Variants in FAAH2 observed in about 807,000 individuals in gnomAD.
The protein encoded by FAAH2 is fatty acid amide hydrolase 2, also known as fatty-acid amide hydrolase 2.
A neutral mutation model predicts 36.9 loss-of-function variants in FAAH2; 60 were observed. The ratio of observed to expected loss-of-function variants is 1.63; its 90% CI spans 1.32 to 2.02. FAAH2 has a LOEUF of 2.02. Ranked by LOEUF, FAAH2 falls within the 30% of genes most tolerant of loss-of-function variation. The pLI, the probability that FAAH2 is intolerant of heterozygous loss-of-function variation, is 0.00. For synonymous variants in FAAH2, 214 were observed against 143.8 expected (o/e 1.49, Z -3.49); for missense variants, 689 against 397.5 (o/e 1.73, Z -6.23).
rs772769305 is a variant in FAAH2, at chrX:57,380,668, C to T, written c.879-244C>T. Among the ~76,000 whole-genome samples the T allele has an allele frequency of 2.7e-5, 3 of 112,028 alleles. No individual in the cohort carries two copies. In the South Asian group the frequency reaches 1.1e-3, roughly 41 times the overall value. The stretch of plus-strand genomic sequence containing the variant: ...TATAATCATTTCTAGCATGAACTAC[C>T]ACCAAAACATTTTGACTTGTCACCA... On this transcript the variant is annotated intron_variant, in intron 6 of 10. Transcript: ENST00000374900.
At chrX:57,272,393 G>A in the FAAH2 span, among the ~76,000 whole-genome samples, 450 of 111,071 alleles carry the variant, frequency 4.1e-3, 3 homozygotes, top group African/African-American at 0.014. Flanking sequence ...TCAAATTCAG[G>A]AAATGCAGAG....
intron 7 of FAAH2, among the ~76,000 whole-genome samples, chrX:57,401,844 G>A (rs1311090471): frequency 9.0e-6 from 1 of 111,343 alleles, no homozygotes; most frequent in Non-Finnish European, 1.9e-5. Context: ...GTGTATAGTG[G>A]CCCCTGCTTT....
At chrX:57,349,273 A>G (rs2053926538) in intron 5 of FAAH2, among the ~76,000 whole-genome samples, 1 of 95,772 alleles carries the variant, frequency 1.0e-5, no homozygotes, top group African/African-American at 3.7e-5. Flanking sequence ...GTATATACAT[A>G]TATACATATA....
the FAAH2 span, among the ~76,000 whole-genome samples, chrX:57,274,619 G>A: frequency 2.7e-5 from 3 of 111,586 alleles, no homozygotes; most frequent in African/African-American, 6.5e-5. Flanking sequence ...ATCAATAAAC[G>A]CAATCCATCA....
At chrX:57,418,034 GA>G (rs2147060117) in intron 7 of FAAH2, among the ~76,000 whole-genome samples, 1 of 111,310 alleles carries the variant, frequency 9.0e-6, no homozygotes, top group East Asian at 2.8e-4. Context: ...ACACTGAGGG[GA>G]AAACCACTTA....
intron 7 of FAAH2, among the ~76,000 whole-genome samples, chrX:57,425,584 C>T (rs975910341): frequency 3.6e-5 from 4 of 111,283 alleles, no homozygotes; most frequent in Admixed American, 1.9e-4. Context: ...ATGAAAAAAA[C>T]ACTTTTAAAT....
In FAAH2 at chrX:57,440,127, G is replaced by A. The variant is rs187082443; in HGVS notation, c.1117-6801G>A. On this transcript the variant is annotated intron_variant, in intron 8 of 10. Coordinates refer to ENST00000374900, the MANE Select transcript of FAAH2 (RefSeq NM_174912.4). ...TATGAACTTAGAGTAGTTTTTTCCA[G>A]TTCTGTGAAGAAAGTCATTGGTAGC... Among the ~76,000 whole-genome samples, 59 of 111,303 alleles carry A rather than the reference G, an allele frequency of 5.3e-4. 1 individual carries two copies. The East Asian group carries it at 0.011, about 21-fold the overall frequency.
the FAAH2 span, among the ~76,000 whole-genome samples, chrX:57,165,496 C>T: frequency 9.2e-6 from 1 of 108,142 alleles, no homozygotes; most frequent in Non-Finnish European, 1.9e-5. Flanking sequence ...ACAATGAGAT[C>T]ACATGGACAC....
chrX:57,376,925 T>G (rs1050995071), intron 5 of FAAH2, among the ~76,000 whole-genome samples: 4 of 112,519 alleles, frequency 3.6e-5, no homozygotes, highest in African/African-American at 1.3e-4. Context: ...AGCTTTTTTT[T>G]GCATATGTTT....
intron 10 of FAAH2, among the ~76,000 whole-genome samples, chrX:57,474,297 C>T (rs1005331922): frequency 9.0e-6 from 1 of 110,987 alleles, no homozygotes. Flanking sequence ...ACCTATCCGC[C>T]CATCATTTAG....
the FAAH2 span, among the ~76,000 whole-genome samples, chrX:57,161,696 A>T: frequency 2.7e-5 from 3 of 110,709 alleles, no homozygotes; most frequent in Non-Finnish European, 3.8e-5. Flanking sequence ...TGCCTTTTTT[A>T]GTTTTCCATT....
At chrX:57,357,672 A>T (rs1435176479) in intron 5 of FAAH2, among the ~76,000 whole-genome samples, 1 of 111,813 alleles carries the variant, frequency 8.9e-6, no homozygotes. Flanking sequence ...CGATAATTAA[A>T]AAGTCAGGAA....
chrX:57,378,464 A>G (rs1261311647), intron 5 of FAAH2, among the ~76,000 whole-genome samples, 187 bp from the exon 6 acceptor site: 2 of 111,631 alleles, frequency 1.8e-5, no homozygotes, highest in African/African-American at 6.5e-5. Context: ...CTCTATTAGG[A>G]AAAAAAATTC....
chrX:57,386,631 C>G (rs570945639), intron 7 of FAAH2, among the ~76,000 whole-genome samples: 5 of 112,148 alleles, frequency 4.5e-5, no homozygotes, highest in African/African-American at 1.6e-4. Flanking sequence ...TGTACAGACT[C>G]TTCATTACCA....
At chrX:57,159,289 G>A in the FAAH2 span, among the ~76,000 whole-genome samples, 2 of 111,830 alleles carry the variant, frequency 1.8e-5, no homozygotes, top group Admixed American at 9.5e-5. Context: ...CTCCAGCTTT[G>A]TTCTTTTGGC....
chrX:57,376,484 G>C (rs764734245), intron 5 of FAAH2, among the ~76,000 whole-genome samples: 8 of 111,213 alleles, frequency 7.2e-5, no homozygotes, highest in Non-Finnish European at 1.5e-4. Context: ...AGAACATGTG[G>C]TGTTTGGTTT....
chrX:57,201,413 C>A, the FAAH2 span, among the ~76,000 whole-genome samples: 1 of 105,770 alleles, frequency 9.5e-6, no homozygotes, highest in South Asian at 4.0e-4. Context: ...GCCTTTAGCT[C>A]TGTTACTTTT....
intron 10 of FAAH2, among the ~76,000 whole-genome samples, chrX:57,455,323 G>A (rs2147199798): frequency 9.0e-6 from 1 of 110,753 alleles, no homozygotes; most frequent in South Asian, 3.8e-4. Flanking sequence ...GAAAATAAAG[G>A]ACCAAAACTT....
At chrX:57,150,316 G>T in the FAAH2 span, among the ~76,000 whole-genome samples, 4 of 111,745 alleles carry the variant, frequency 3.6e-5, no homozygotes, top group African/African-American at 6.5e-5. Context: ...GGATATCCTT[G>T]TTAACTTTCT....
Sources: allele counts gnomAD v4.1 joint callset (sites outside exome capture counted in the v4.1 genomes callset), GRCh38; gene constraint gnomAD v4.1.1; transcripts MANE v1.5; gene names NCBI Gene and HGNC (gene_info 2026-07-23, HGNC 2026-07-21).